Variants in NFU1 observed in about 807,000 individuals in gnomAD.
NFU1 encodes NFU1 iron-sulfur cluster scaffold homolog, mitochondrial.
NFU1 carries 30 observed loss-of-function variants against 32.2 expected under a neutral mutation model. The ratio of observed to expected loss-of-function variants is 0.93; its 90% confidence interval spans 0.70 to 1.26. The LOEUF (loss-of-function observed/expected upper bound fraction) is 1.26. Among genes scored for constraint, NFU1 ranks in the 50% most tolerant of loss-of-function variants. The pLI, the probability that NFU1 is intolerant of heterozygous loss-of-function variation, is 0.00. For synonymous variants in NFU1, 112 were observed against 104.6 expected (o/e 1.07, Z -0.43); for missense variants, 306 against 306.6 (o/e 1.00, Z 0.02).
At chr2:69,411,063 A>C (rs984879622) in intron 5 of NFU1, 6 of 152,132 alleles carry the variant, frequency 3.9e-5, no homozygotes, top group Non-Finnish European at 8.8e-5. Context: ...AAAAGACCAC[A>C]GGGACAAAAA....
At chr2:69,437,285 G>A (rs531976682) in intron 1 of NFU1, 76 bp downstream of exon 1, 5 of 1,544,796 alleles carry the variant, frequency 3.2e-6, no homozygotes, top group Non-Finnish European at 4.4e-6. Context: ...CTCGAGAGAG[G>A]GTCTGCAAGG....
chr2:69,396,253 G>A lies in NFU1; in HGVS notation c.758C>T (p.Ser253Leu). ...AAGAAAATCCAGATTATTTTAAGGTGAGTTTGCTTCTTTTTCATCTGATTC... is the reference window on the plus strand; with the variant it reads ...AAGAAAATCCAGATTATTTTAAGGTAAGTTTGCTTCTTTTTCATCTGATTC... ...DDESDEKEANSP is the reference protein window; with the variant it reads ...DDESDEKEANLP The change falls in exon 8 of 8, where the codon TCA (serine) becomes TTA (leucine). Residue 253 changes from serine to leucine, a missense_variant. By Grantham distance (145) the Ser-to-Leu change is moderately radical. Transcript: ENST00000410022. 6.2e-7 allele frequency: 1 copy of A among 1,611,098 alleles called. No homozygotes were observed. Among genetic ancestry groups the A allele is most frequent in the Non-Finnish European group, 8.5e-7 (1 of 1,177,872 alleles).
At chr2:69,434,531 A>G (rs1673763928) in intron 1 of NFU1, among the ~76,000 whole-genome samples, 1 of 152,242 alleles carries the variant, frequency 6.6e-6, no homozygotes, top group African/African-American at 2.4e-5. Flanking sequence ...AAATGAAAGC[A>G]AATATTACTG....
intron 5 of NFU1, among the ~76,000 whole-genome samples, chr2:69,412,665 G>A (rs1055102976): frequency 6.6e-6 from 1 of 152,046 alleles, no homozygotes; most frequent in Non-Finnish European, 1.5e-5. Flanking sequence ...GATTACAGGC[G>A]TGAGCCACCA....
At chr2:69,397,637 G>A (rs1340227720) in intron 7 of NFU1, among the ~76,000 whole-genome samples, 2 of 151,886 alleles carry the variant, frequency 1.3e-5, no homozygotes, top group African/African-American at 2.4e-5. Flanking sequence ...TCTAGGCCAG[G>A]CACAGTGGCT....
chr2:69,437,318 G>A (rs1441726624), intron 1 of NFU1, 43 bp downstream of exon 1: 2 of 1,585,638 alleles, frequency 1.3e-6, no homozygotes, highest in Admixed American at 1.8e-5. Flanking sequence ...CGCTGGCTAA[G>A]CCCAGCGGCA....
chr2:69,417,357 C>T (rs12624165), intron 4 of NFU1, among the ~76,000 whole-genome samples: 11 of 151,856 alleles, frequency 7.2e-5, no homozygotes, highest in African/African-American at 2.4e-4. Flanking sequence ...TAAATACCAA[C>T]GTGGGCCAGG....
chr2:69,422,346 G>T (rs2104788748), intron 3 of NFU1, among the ~76,000 whole-genome samples: 2 of 152,266 alleles, frequency 1.3e-5, no homozygotes, highest in South Asian at 4.1e-4. Context: ...GGCTGATCTT[G>T]GGTAACTGAA....
intron 6 of NFU1, among the ~76,000 whole-genome samples, chr2:69,404,615 ATTTTT>A (rs534309730): frequency 0.046 from 3,388 of 73,120 alleles, 254 homozygotes; most frequent in African/African-American, 0.18. Flanking sequence ...ATCTTAGCAA[ATTTTT>A]TTTTTTTTTT....
At chr2:69,417,649 T>A (rs537220415) in intron 4 of NFU1, among the ~76,000 whole-genome samples, 2 of 152,156 alleles carry the variant, frequency 1.3e-5, no homozygotes, top group Non-Finnish European at 2.9e-5. Flanking sequence ...CAAGATCCCA[T>A]CTATATGTAT....
At chr2:69,405,964 G>T in intron 6 of NFU1, 58 bp downstream of exon 6, 2 of 1,067,282 alleles carry the variant, frequency 1.9e-6, no homozygotes, top group Non-Finnish European at 2.9e-6. Context: ...AAACTATATT[G>T]CTATAATGAA....
intron 3 of NFU1, among the ~76,000 whole-genome samples, chr2:69,419,908 T>C (rs1673183931): frequency 6.6e-6 from 1 of 152,204 alleles, no homozygotes. Context: ...ACCTGGTGAA[T>C]GAATAGACTG....
chr2:69,431,882 TA>T lies in NFU1; in HGVS notation c.166+19del. The T allele has an allele frequency of 6.8e-7, 1 of 1,462,528 alleles. No individual in the cohort carries two copies. The highest frequency in any genetic ancestry group is 9.6e-7 in the Non-Finnish European group (1 of 1,041,812). The allele number at this position is 1,462,528 out of a possible 1,614,324, so 90.6% of individuals were successfully genotyped here. On this transcript the variant is annotated intron_variant, in intron 2 of 7. Transcript: ENST00000410022. Reference sequence around the variant, plus strand: ...ATCAGTTTCTGAAACACAACTGCTATAAAAGAGGTGAAATTTTACCTGGGTG... The same window carrying T: ...ATCAGTTTCTGAAACACAACTGCTATAAAGAGGTGAAATTTTACCTGGGTG...
chr2:69,411,508 CAGTT>C (rs1453469270), intron 5 of NFU1, among the ~76,000 whole-genome samples: 5 of 152,056 alleles, frequency 3.3e-5, no homozygotes, highest in African/African-American at 1.2e-4. Context: ...AGTTAAGTCA[CAGTT>C]AGGGAGATAT....
At chr2:69,413,777 G>A (rs531362655) in intron 5 of NFU1, among the ~76,000 whole-genome samples, 28 of 145,040 alleles carry the variant, frequency 1.9e-4, no homozygotes, top group Non-Finnish European at 2.1e-4. Flanking sequence ...GGCCGGGCAC[G>A]ATGGCTCATG....
At chr2:69,402,644 C>T (rs1040737303) in intron 6 of NFU1, among the ~76,000 whole-genome samples, 6 of 151,964 alleles carry the variant, frequency 3.9e-5, no homozygotes, top group South Asian at 2.1e-4. Flanking sequence ...TGCAATGGCT[C>T]GATCTCGGCT....
At chr2:69,427,210 AC>A (rs1406987806) in intron 2 of NFU1, among the ~76,000 whole-genome samples, 10 of 148,780 alleles carry the variant, frequency 6.7e-5, no homozygotes, top group African/African-American at 2.0e-4. Flanking sequence ...ACATGGTGAA[AC>A]CCCGTCTCTA....
intron 7 of NFU1, among the ~76,000 whole-genome samples, chr2:69,398,093 A>T (rs1017951223): frequency 5.9e-5 from 9 of 152,172 alleles, no homozygotes; most frequent in Non-Finnish European, 1.3e-4. Context: ...CAACCAACTC[A>T]TATTTTAGGC....
intron 5 of NFU1, among the ~76,000 whole-genome samples, chr2:69,408,635 A>G (rs1021943027): frequency 5.9e-5 from 9 of 151,282 alleles, no homozygotes; most frequent in African/African-American, 1.9e-4. Context: ...CAGGAGAATC[A>G]CTTGAACCCG....
Sources: allele counts gnomAD v4.1 joint callset (sites outside exome capture counted in the v4.1 genomes callset), GRCh38; gene constraint gnomAD v4.1.1; transcripts MANE v1.5; gene names NCBI Gene and HGNC (gene_info 2026-07-23, HGNC 2026-07-21).